CELF4: variants seen among roughly 807,000 people sequenced by gnomAD.
The protein encoded by CELF4 is CUG-BP- and ETR-3-like factor 4.
A neutral mutation model predicts 59.9 loss-of-function variants in CELF4; 18 were observed. The observed-to-expected ratio is 0.30, with a 90% confidence interval of 0.21 to 0.45. The LOEUF is 0.45. CELF4 is among the 20% of genes least tolerant of loss of function. CELF4 has a pLI of 1.00. For synonymous variants in CELF4, 261 were observed against 267.1 expected (o/e 0.98, Z 0.22); for missense variants, 456 against 689.0 (o/e 0.66, Z 3.79).
intron 1 of CELF4, among the ~76,000 whole-genome samples, chr18:37,493,309 C>T (rs960183192): frequency 6.6e-6 from 1 of 152,236 alleles, no homozygotes; most frequent in Non-Finnish European, 1.5e-5. Flanking sequence ...TCAACCCCAA[C>T]CTCTCTCATA....
rs904161576 is a variant in CELF4 at position 37,244,592 on chromosome 18, T to A, written c.*650A>T. ...GTTTTTTTTGTTTTTTGTTTTTTTT[T>A]TAATTTTTTATTACATTTTTTCATA... On this transcript the variant is annotated 3_prime_UTR_variant, in exon 13 of 13. Transcript: ENST00000420428. The A allele has an allele frequency of 1.3e-5, 2 of 152,574 alleles. No homozygotes were observed. Among genetic ancestry groups the A allele is most frequent in the African/African-American group, 4.8e-5 (2 of 41,464 alleles). The allele number at this position is 152,574 out of a possible 1,614,324, so 9.5% of individuals were successfully genotyped here.
intron 2 of CELF4, among the ~76,000 whole-genome samples, chr18:37,477,410 G>A (rs1033742455): frequency 1.3e-5 from 2 of 152,218 alleles, no homozygotes; most frequent in Non-Finnish European, 2.9e-5. Context: ...GGAAGGCTAC[G>A]TGCATCTGGA....
rs1405868209 is a variant in CELF4 at position 37,565,567 on chromosome 18, G to T, written c.75C>A (p.Ser25Arg). 6.2e-7 allele frequency: 1 copy of T among 1,614,008 alleles called. No individual in the cohort carries two copies. Among genetic ancestry groups the T allele is most frequent in the East Asian group, 2.2e-5 (1 of 44,858 alleles). The change falls in exon 1 of 13, where the codon AGC becomes AGA. Residue 25 changes from serine to arginine, a missense_variant. Coordinates refer to ENST00000420428, the MANE Select transcript of CELF4 (RefSeq NM_020180.4). ...TCATGTGCCCGGCACTGCCCGGGCT[G>T]CTGCCGAGCCCGTTGGTACTGAGGC... ...NASLSTNGLGSSPGSAGHMNG... is the reference protein window; with the variant it reads ...NASLSTNGLGRSPGSAGHMNG...
At chr18:37,498,460 C>G (rs1405974797) in intron 1 of CELF4, among the ~76,000 whole-genome samples, 1 of 144,132 alleles carries the variant, frequency 6.9e-6, no homozygotes, top group Non-Finnish European at 1.5e-5. Context: ...CTCCCCTCCT[C>G]TTCCCTTCCT....
intron 2 of CELF4, among the ~76,000 whole-genome samples, chr18:37,408,099 G>T (rs1216276653): frequency 1.3e-5 from 2 of 152,194 alleles, no homozygotes; most frequent in African/African-American, 4.8e-5. Flanking sequence ...GAATAGCTCT[G>T]AATCACTGGA....
chr18:37,413,293 C>T (rs1055275244), intron 2 of CELF4, among the ~76,000 whole-genome samples: 4 of 152,026 alleles, frequency 2.6e-5, no homozygotes, highest in South Asian at 2.1e-4. Flanking sequence ...TGCATTTCTG[C>T]GTTTGTTCAT....
chr18:37,285,166 G>A (rs1288155751), intron 3 of CELF4, among the ~76,000 whole-genome samples: 1 of 152,188 alleles, frequency 6.6e-6, no homozygotes, highest in Non-Finnish European at 1.5e-5. Context: ...CCATTGCCTG[G>A]GGTCCCAGTT....
chr18:37,332,692 C>T (rs752020359), intron 2 of CELF4, among the ~76,000 whole-genome samples: 2 of 152,234 alleles, frequency 1.3e-5, no homozygotes, highest in South Asian at 4.1e-4. Flanking sequence ...GAGCCCCTCC[C>T]TGCTAGGGGT....
intron 1 of CELF4, among the ~76,000 whole-genome samples, chr18:37,504,296 GC>G (rs2099935079): frequency 6.6e-6 from 1 of 152,030 alleles, no homozygotes; most frequent in Non-Finnish European, 1.5e-5. Flanking sequence ...TTCAAGATCA[GC>G]CTGGCCAACA....
chr18:37,310,531 G>T (rs941577082), intron 3 of CELF4, among the ~76,000 whole-genome samples: 11 of 152,120 alleles, frequency 7.2e-5, no homozygotes, highest in African/African-American at 2.4e-4. Context: ...TTCCCACTCG[G>T]GAAGCTCTGC....
chr18:37,509,526 A>G (rs975446454), intron 1 of CELF4, among the ~76,000 whole-genome samples: 2 of 152,270 alleles, frequency 1.3e-5, no homozygotes, highest in Non-Finnish European at 2.9e-5. Context: ...CAGGCATTGC[A>G]TGACACAGCA....
chr18:37,338,725 T>C (rs2097869502), intron 2 of CELF4, among the ~76,000 whole-genome samples: 1 of 151,886 alleles, frequency 6.6e-6, no homozygotes, highest in African/African-American at 2.4e-5. Context: ...CTCTGTGCTC[T>C]TGCTTCATTT....
At chr18:37,396,641 T>G (rs2154580144) in intron 2 of CELF4, among the ~76,000 whole-genome samples, 1 of 152,274 alleles carries the variant, frequency 6.6e-6, no homozygotes, top group Non-Finnish European at 1.5e-5. Context: ...CTGCACGGTC[T>G]TGCCAGTGTC....
intron 3 of CELF4, among the ~76,000 whole-genome samples, chr18:37,312,126 A>AAG (rs2096687044): frequency 8.5e-6 from 1 of 117,224 alleles, no homozygotes; most frequent in Admixed American, 9.1e-5. Flanking sequence ...AAAAAAAAAA[A>AAG]AAAAGAAAAA....
intron 2 of CELF4, among the ~76,000 whole-genome samples, chr18:37,455,583 C>T (rs1056249267): frequency 4.6e-5 from 7 of 152,198 alleles, no homozygotes; most frequent in African/African-American, 1.4e-4. Flanking sequence ...CCCAGAGTGC[C>T]TCTGCCCCAG....
Position 37,339,914 on chromosome 18 carries a change from C to T in CELF4, c.370-18033G>A, listed in dbSNP as rs558282944. ...TGAACTTCCCAAGGTGCAGCCACTC[C>T]CAGCCTTGGGATTGCCAGTGACTTG... is the stretch of plus-strand genomic sequence containing the variant. On this transcript the variant is annotated intron_variant, in intron 2 of 12. Transcript: ENST00000420428. 8.5e-5 allele frequency among the ~76,000 whole-genome samples: 13 copies of T among 152,252 alleles called. No individual in the cohort carries two copies. In the South Asian group the frequency reaches 2.3e-3, roughly 27 times the overall value.
intron 2 of CELF4, chr18:37,473,621 C>T (rs1358357985): frequency 1.3e-5 from 2 of 152,200 alleles, no homozygotes; most frequent in African/African-American, 4.8e-5. Flanking sequence ...TCCTCTTGTC[C>T]ACACCCTAAG....
intron 1 of CELF4, among the ~76,000 whole-genome samples, chr18:37,550,353 A>G (rs2154605832): frequency 6.6e-6 from 1 of 152,296 alleles, no homozygotes; most frequent in South Asian, 2.1e-4. Flanking sequence ...GATAAAAATC[A>G]GGGGAAATGA....
chr18:37,304,790 C>T (rs887249979), intron 3 of CELF4, among the ~76,000 whole-genome samples: 22 of 152,330 alleles, frequency 1.4e-4, no homozygotes, highest in Middle Eastern at 3.4e-3. Flanking sequence ...GCGGAGCACC[C>T]AACTAAGCAG....
Sources: allele counts gnomAD v4.1 joint callset (sites outside exome capture counted in the v4.1 genomes callset), GRCh38; gene constraint gnomAD v4.1.1; transcripts MANE v1.5; gene names NCBI Gene and HGNC (gene_info 2026-07-23, HGNC 2026-07-21).